The following LSAMP variants were observed in gnomAD, a reference collection of about 807,000 sequenced individuals.
LSAMP encodes the protein limbic system associated membrane protein, also known as limbic system-associated membrane protein.
Under a neutral mutation model 38.6 loss-of-function variants are expected in LSAMP, and 7 were observed. The observed-to-expected ratio is 0.18, with a 90% CI of 0.10 to 0.34. The LOEUF is 0.34. LSAMP is among the 10% of genes least tolerant of loss of function. LSAMP has a pLI of 1.00. For synonymous variants in LSAMP, 154 were observed against 166.8 expected (o/e 0.92, Z 0.59); for missense variants, 313 against 420.0 (o/e 0.75, Z 2.23).
intron 1 of LSAMP, among the ~76,000 whole-genome samples, chr3:116,261,845 T>C (rs1451889550): frequency 6.7e-6 from 1 of 149,350 alleles, no homozygotes; most frequent in Non-Finnish European, 1.5e-5. Context: ...CACATATATG[T>C]TATTATAATA....
intron 1 of LSAMP, among the ~76,000 whole-genome samples, chr3:116,370,938 G>A (rs1252514522): frequency 6.6e-6 from 1 of 152,052 alleles, no homozygotes; most frequent in African/African-American, 2.4e-5. Flanking sequence ...TTATAAGAGA[G>A]TACTGAGAAA....
chr3:116,401,967 A>G (rs1000442719), intron 1 of LSAMP, among the ~76,000 whole-genome samples: 3 of 152,214 alleles, frequency 2.0e-5, no homozygotes, highest in African/African-American at 7.2e-5. Flanking sequence ...TAAATTTTTA[A>G]GAAAATAATT....
chr3:116,211,182 A>T (rs966930747), intron 1 of LSAMP, among the ~76,000 whole-genome samples: 4 of 152,172 alleles, frequency 2.6e-5, no homozygotes, highest in Non-Finnish European at 5.9e-5. Flanking sequence ...GTTACCAGGG[A>T]TGGGAGGAGG....
At chr3:116,229,059 T>C (rs2046371522) in intron 1 of LSAMP, among the ~76,000 whole-genome samples, 1 of 152,148 alleles carries the variant, frequency 6.6e-6, no homozygotes, top group Non-Finnish European at 1.5e-5. Context: ...GCAATTAATT[T>C]TCTTTATTTT....
intron 1 of LSAMP, among the ~76,000 whole-genome samples, chr3:116,302,394 T>C (rs2047422192): frequency 6.6e-6 from 1 of 152,184 alleles, no homozygotes; most frequent in African/African-American, 2.4e-5. Flanking sequence ...GCCCATAAAT[T>C]GTTGTTTTTC....
At chr3:115,905,095 C>A (rs1273702667) in intron 3 of LSAMP, among the ~76,000 whole-genome samples, 1 of 152,058 alleles carries the variant, frequency 6.6e-6, no homozygotes, top group African/African-American at 2.4e-5. Context: ...GGATAAAATG[C>A]TCTTTTGCAC....
chr3:116,348,730 T>C (rs2048096782), intron 1 of LSAMP, among the ~76,000 whole-genome samples: 1 of 152,130 alleles, frequency 6.6e-6, no homozygotes, highest in Admixed American at 6.6e-5. Context: ...TTTTAACCTA[T>C]TACTTCTGCA....
At chr3:116,118,515 T>C (rs1319702427) in intron 1 of LSAMP, among the ~76,000 whole-genome samples, 1 of 152,226 alleles carries the variant, frequency 6.6e-6, no homozygotes, top group Non-Finnish European at 1.5e-5. Context: ...CATTCTTGTA[T>C]ATTTGTCTTT....
intron 1 of LSAMP, among the ~76,000 whole-genome samples, chr3:116,417,030 G>T (rs1017729510): frequency 6.6e-6 from 1 of 152,072 alleles, no homozygotes; most frequent in Non-Finnish European, 1.5e-5. Flanking sequence ...CTTAAATTTG[G>T]ATGCAGTTTG....
chr3:115,930,555 A>G (rs1249017976), intron 3 of LSAMP, among the ~76,000 whole-genome samples: 2 of 152,196 alleles, frequency 1.3e-5, no homozygotes, highest in Non-Finnish European at 2.9e-5. Context: ...AAGAAGAGGT[A>G]TATGGCTGAA....
intron 2 of LSAMP, among the ~76,000 whole-genome samples, chr3:116,085,398 C>A (rs956762116): frequency 1.3e-5 from 2 of 152,166 alleles, no homozygotes; most frequent in African/African-American, 4.8e-5. Context: ...TACAGTTAAA[C>A]TTTTCCACAC....
At chr3:116,354,845 A>ATGTGTGTGTGTGTGTG (rs56975134) in intron 1 of LSAMP, among the ~76,000 whole-genome samples, 5 of 146,320 alleles carry the variant, frequency 3.4e-5, no homozygotes, top group African/African-American at 1.3e-4. Flanking sequence ...GGGTGTATAT[A>ATGTGTGTGTGTGTGTG]TGTGTGTGTG....
intron 2 of LSAMP, among the ~76,000 whole-genome samples, chr3:116,028,992 A>G (rs931380226): frequency 6.6e-6 from 1 of 152,156 alleles, no homozygotes; most frequent in Non-Finnish European, 1.5e-5. Context: ...AATATATACC[A>G]TGAGTGAAAT....
intron 3 of LSAMP, among the ~76,000 whole-genome samples, chr3:115,895,073 G>A (rs1011070930): frequency 1.3e-5 from 2 of 151,918 alleles, no homozygotes; most frequent in Non-Finnish European, 2.9e-5. Context: ...GTTTATTCAC[G>A]GCCTGTTAAA....
intron 1 of LSAMP, among the ~76,000 whole-genome samples, chr3:116,222,671 A>G (rs923242349): frequency 4.7e-5 from 7 of 147,374 alleles, no homozygotes; most frequent in African/African-American, 1.8e-4. Flanking sequence ...AAGGAAATCA[A>G]CATCTTCTTT....
In LSAMP at chr3:115,805,232, T is replaced by A. The variant is rs1452364521; in HGVS notation, c.*5085A>T. ...GTTGGGACAATCTCCACTTAGATCCTGAAAGACCAAAGAGGTGACTTGAGC... is the reference window on the plus strand; with the variant it reads ...GTTGGGACAATCTCCACTTAGATCCAGAAAGACCAAAGAGGTGACTTGAGC... On this transcript the variant is annotated 3_prime_UTR_variant, in exon 7 of 7. Transcript: ENST00000490035. The A allele has an allele frequency of 6.6e-6, 1 of 152,206 alleles. No individual in the cohort carries two copies. Among genetic ancestry groups the A allele is most frequent in the Non-Finnish European group, 1.5e-5 (1 of 68,018 alleles). The allele number at this position is 152,206 out of a possible 1,614,324, so 9.4% of individuals were successfully genotyped here. A position where few individuals can be genotyped will look rare whatever the true frequency, so the allele number is the denominator to read the frequency against.
At chr3:116,308,343 G>A (rs1267046506) in intron 1 of LSAMP, among the ~76,000 whole-genome samples, 1 of 151,938 alleles carries the variant, frequency 6.6e-6, no homozygotes, top group Non-Finnish European at 1.5e-5. Context: ...TCTTTCCCCG[G>A]AGGAATGTGG....
chr3:116,028,156 C>T (rs952229740), intron 2 of LSAMP, among the ~76,000 whole-genome samples: 1 of 152,162 alleles, frequency 6.6e-6, no homozygotes, highest in Non-Finnish European at 1.5e-5. Context: ...GCAGCACTTG[C>T]TGTATTTAAT....
At chr3:116,246,772 A>C (rs2046611059) in intron 1 of LSAMP, among the ~76,000 whole-genome samples, 1 of 152,210 alleles carries the variant, frequency 6.6e-6, no homozygotes, top group Admixed American at 6.5e-5. Context: ...GTAAGTGAGC[A>C]CTTGGACCAG....
Sources: allele counts gnomAD v4.1 joint callset (sites outside exome capture counted in the v4.1 genomes callset), GRCh38; gene constraint gnomAD v4.1.1; transcripts MANE v1.5; gene names NCBI Gene and HGNC (gene_info 2026-07-23, HGNC 2026-07-21).